Variants in KRTAP5-5 observed in about 807,000 individuals in gnomAD.
The protein encoded by KRTAP5-5 is keratin associated protein 5-5, also known as keratin-associated protein 5-5.
In KRTAP5-5, 1 loss-of-function variant was observed where a neutral mutation model predicts 2.8. The observed-to-expected ratio is 0.35, with a 90% CI of 0.13 to 1.67. KRTAP5-5 has a LOEUF of 1.67. Ranked by LOEUF, KRTAP5-5 falls within the 40% of genes most tolerant of loss-of-function variation. The pLI, the probability that KRTAP5-5 is intolerant of heterozygous loss-of-function variation, is 0.35. For synonymous variants in KRTAP5-5, 83 were observed against 110.6 expected, an observed-to-expected ratio of 0.75 and a Z score of 1.57; for missense variants, 134 against 270.9, an observed-to-expected ratio of 0.49 and a Z score of 3.55.
chr11:1,630,333 T>C, exon 1 of KRTAP5-5: 1 of 1,613,212 alleles, frequency 6.2e-7, no homozygotes, highest in East Asian at 2.2e-5. Context: ...GCCCTGCTGC[T>C]GCTCCTCAGG....
At chr11:1,630,742 TC>T, downstream of KRTAP5-5, 1 of 768,172 alleles carries the variant, frequency 1.3e-6, no homozygotes, top group East Asian at 2.7e-5. Context: ...CTCCTGAACT[TC>T]CTCTCCCTGC....
chr11:1,629,826 C>A (rs199827740), exon 1 of KRTAP5-5: 1 of 1,609,650 alleles, frequency 6.2e-7, no homozygotes, highest in East Asian at 2.2e-5. Context: ...GCTCCACCCT[C>A]AATCCACCAG....
chr11:1,630,773 C>A, downstream of KRTAP5-5: 1 of 686,622 alleles, frequency 1.5e-6, no homozygotes, highest in Non-Finnish European at 2.5e-6. Context: ...ATTTAAGATC[C>A]AAAGCGGCCC....
chr11:1,630,672 C>T (rs747245621), exon 1 of KRTAP5-5: 35 of 1,376,776 alleles, frequency 2.5e-5, no homozygotes, highest in Non-Finnish European at 3.4e-5. Context: ...GCTTCATCCA[C>T]TCCACACCAG....
chr11:1,630,329 C>T (rs768785002), exon 1 of KRTAP5-5: 4 of 1,613,014 alleles, frequency 2.5e-6, no homozygotes, highest in Non-Finnish European at 3.4e-6. Flanking sequence ...GCAAGCCCTG[C>T]TGCTGCTCCT....
chr11:1,630,274 C>A, exon 1 of KRTAP5-5: 1 of 1,558,604 alleles, frequency 6.4e-7, no homozygotes, highest in South Asian at 1.1e-5. Flanking sequence ...TGTGGGGGGT[C>A]CAAGGGGGGC....
downstream of KRTAP5-5, chr11:1,630,809 C>G: frequency 1.6e-6 from 1 of 609,000 alleles, no homozygotes; most frequent in Non-Finnish European, 3.0e-6. Flanking sequence ...GCAGATCAGA[C>G]CCCTTAGACC....
chr11:1,630,873 G>C (rs10838014), downstream of KRTAP5-5, among the ~76,000 whole-genome samples: 39,739 of 151,996 alleles, frequency 0.26, 5,431 homozygotes, highest in Middle Eastern at 0.36. Context: ...CTCTCTGGCT[G>C]TCTGTATATC....
At chr11:1,630,576 G>T in exon 1 of KRTAP5-5, 1 of 1,613,950 alleles carries the variant, frequency 6.2e-7, no homozygotes, top group Non-Finnish European at 8.5e-7. Context: ...CAGACTGCAG[G>T]TGGCCTGACT....
rs774957251 is a variant in KRTAP5-5 at position 1,629,948 on chromosome 11, G to A, written c.108G>A (p.Gly36=). The change falls in exon 1 of 1, where the codon GGG becomes GGA. Residue 36 remains glycine, a synonymous_variant. Coordinates refer to ENST00000399676, the Ensembl canonical transcript of KRTAP5-5. The stretch of plus-strand genomic sequence containing the variant: ...GTGGAGGCTGTGGCTCTGGCTGTGG[G>A]GGCTGTGGCTCCGGCTGTGGAGGCT... 3.4e-4 allele frequency: 459 copies of A among 1,344,178 alleles called. 4 individuals are homozygous for A. Among genetic ancestry groups the A allele is most frequent in the East Asian group, 1.4e-3 (54 of 39,774 alleles). The allele number at this position is 1,344,178 out of a possible 1,614,324, so 83.3% of individuals were successfully genotyped here. A position where few individuals can be genotyped will look rare whatever the true frequency, so the allele number is the denominator to read the frequency against.
At chr11:1,630,531 G>A (rs1027710141) in exon 1 of KRTAP5-5, 11 of 1,611,464 alleles carry the variant, frequency 6.8e-6, no homozygotes, top group African/African-American at 1.3e-5. Flanking sequence ...CTGTGTCCCC[G>A]TGTGCTGCCA....
At position 1,630,526 on chromosome 11, in the gene KRTAP5-5, T is replaced by C. The variant is rs375782833; in HGVS notation, c.686T>C (p.Val229Ala). 27 of 1,611,722 alleles carry C rather than the reference T, an allele frequency of 1.7e-5. No individual in the cohort carries two copies. The African/African-American group carries it at 2.2e-4, about 13-fold the overall frequency. The change falls in exon 1 of 1, where the codon GTC becomes GCC. Residue 229 changes from valine to alanine, a missense_variant. By Grantham distance (64) the Val-to-Ala change is moderately conservative. Coordinates refer to ENST00000399676, the Ensembl canonical transcript of KRTAP5-5. ...TGCTGCTGCCAGTCCAGCTGCTGTG[T>C]CCCCGTGTGCTGCCAGTGTAAGATC...
downstream of KRTAP5-5, chr11:1,630,804 T>C: frequency 3.2e-6 from 2 of 620,584 alleles, no homozygotes; most frequent in Non-Finnish European, 5.8e-6. Context: ...CAGAGGCAGA[T>C]CAGACCCCTT....
At chr11:1,630,563 C>G (rs1849748549) in exon 1 of KRTAP5-5, 1 of 1,614,082 alleles carries the variant, frequency 6.2e-7, no homozygotes, top group East Asian at 2.2e-5. Context: ...GAGGCTCTGA[C>G]TGCAGACTGC....
At chr11:1,630,720 T>C (rs536066394), downstream of KRTAP5-5, 60 of 882,192 alleles carry the variant, frequency 6.8e-5, no homozygotes, top group African/African-American at 9.0e-4. Flanking sequence ...TCTGGCTCAT[T>C]GCCTACTACT....
chr11:1,630,195 TGTGGCTCCTGTGGGGGGTCC>T lies in KRTAP5-5; in HGVS notation c.356_375del (p.Cys119Ter). ...CTCCTGTGGGGGGTCCAAGGGGGGC[TGTGGCTCCTGTGGGGGGTCC>T]AAGGGGGGCTGTGGCTCCTGTGGGG... On this transcript the variant is annotated frameshift_variant, in exon 1 of 1. Coordinates refer to ENST00000399676, the Ensembl canonical transcript of KRTAP5-5. LOFTEE classifies it low-confidence loss of function (END_TRUNC). 9.0e-7 allele frequency: 1 copy of T among 1,108,004 alleles called. No homozygotes were observed. Among genetic ancestry groups the T allele is most frequent in the South Asian group, 1.4e-5 (1 of 72,768 alleles). The allele number at this position is 1,108,004 out of a possible 1,614,324, so 68.6% of individuals were successfully genotyped here.
exon 1 of KRTAP5-5, chr11:1,630,082 G>A (rs1179682884): frequency 1.2e-6 from 2 of 1,611,418 alleles, no homozygotes; most frequent in Admixed American, 1.7e-5. Flanking sequence ...GCTTGTTCCT[G>A]CTCCAGCTGT....
chr11:1,630,613 C>T, exon 1 of KRTAP5-5: 1 of 1,604,180 alleles, frequency 6.2e-7, no homozygotes, highest in Non-Finnish European at 8.5e-7. Flanking sequence ...GCCCAGCTTC[C>T]TTGCCCTGGG....
chr11:1,630,142 C>A, exon 1 of KRTAP5-5: 1 of 1,603,936 alleles, frequency 6.2e-7, no homozygotes, highest in Non-Finnish European at 8.5e-7. Context: ...GGCTGTGTCT[C>A]CTGTGGGGTG....
Sources: gnomAD v4.1 joint callset for allele counts (sites outside exome capture counted in the v4.1 genomes callset) on GRCh38, gnomAD v4.1.1 for gene constraint, MANE v1.5 for transcripts, NCBI Gene and HGNC (gene_info 2026-07-23, HGNC 2026-07-21) for gene names.